The following PCDHGB5 variants were observed in gnomAD, a reference collection of about 807,000 sequenced individuals.
PCDHGB5 encodes the protein protocadherin gamma-B5.
In PCDHGB5, 48 loss-of-function variants were observed where a neutral mutation model predicts 62.9. The observed-to-expected ratio is 0.76, with a 90% CI of 0.61 to 0.97. The LOEUF (loss-of-function observed/expected upper bound fraction) is 0.97. Ranked by LOEUF, PCDHGB5 falls within the 50% of genes least tolerant of loss-of-function variation. The pLI, the probability that PCDHGB5 is intolerant of heterozygous loss-of-function variation, is 0.00. For synonymous variants in PCDHGB5, 474 were observed against 511.2 expected, an observed-to-expected ratio of 0.93 and a Z score of 0.98; for missense variants, 1,118 against 1,198.6, an observed-to-expected ratio of 0.93 and a Z score of 0.99.
chr5:141,448,421 A>G (rs1380029405), intron 1 of PCDHGB5, among the ~76,000 whole-genome samples: 1 of 152,132 alleles, frequency 6.6e-6, no homozygotes, highest in Non-Finnish European at 1.5e-5. Flanking sequence ...ACAATATACT[A>G]TGTATATATT....
intron 1 of PCDHGB5, among the ~76,000 whole-genome samples, chr5:141,429,545 G>T (rs1200824675): frequency 6.6e-6 from 1 of 151,844 alleles, no homozygotes; most frequent in East Asian, 1.9e-4. Context: ...TAAGAACATG[G>T]TAATGATTTG....
intron 1 of PCDHGB5, chr5:141,427,723 G>T: frequency 8.9e-7 from 1 of 1,127,490 alleles, no homozygotes; most frequent in East Asian, 2.4e-5. Flanking sequence ...CTGGACCTAG[G>T]GCTGAATGGC....
rs181495329 is a variant in PCDHGB5, at chr5:141,489,120, G to A, written c.2398-5687G>A. ...AACTGCTGCAAGCAGGCAAACCTCC[G>A]AGCAGTTTTTAAGAGGCTGGAAGGA... is the stretch of plus-strand genomic sequence containing the variant. On this transcript the variant is annotated intron_variant, in intron 1 of 3. Coordinates refer to ENST00000617380, the MANE Select transcript of PCDHGB5 (RefSeq NM_018925.3). This position sits in a 1 kb window ranked among gnomAD's most constrained non-coding sequence, Gnocchi z 4.5. 1.8e-5 allele frequency: 8 copies of A among 445,672 alleles called. No homozygotes were observed. The East Asian group carries it at 1.9e-4, about 11-fold the overall frequency. The allele number at this position is 445,672 out of a possible 1,614,324, so 27.6% of individuals were successfully genotyped here.
chr5:141,409,748 G>A (rs2095311209), intron 1 of PCDHGB5: 1 of 1,613,018 alleles, frequency 6.2e-7, no homozygotes, highest in Non-Finnish European at 8.5e-7. Context: ...GGTGGTGTTC[G>A]CGCAGCGCGC....
Position 141,487,003 on chromosome 5 carries a change from C to T in PCDHGB5, c.2398-7804C>T. The stretch of plus-strand genomic sequence containing the variant: ...ACAATGCTTGGGTTTCCTATCAGCT[C>T]CTGGAGGCCCCAGATCCCAGCCTGT... On this transcript the variant is annotated intron_variant, in intron 1 of 3. Transcript: ENST00000617380. The surrounding 1 kb of genome is among the most constrained non-coding windows in gnomAD (Gnocchi z 5.0). 1 of 1,614,228 alleles carries T rather than the reference C, an allele frequency of 6.2e-7. No homozygotes were observed.
At chr5:141,449,380 G>C (rs1011160817) in intron 1 of PCDHGB5, among the ~76,000 whole-genome samples, 3 of 151,950 alleles carry the variant, frequency 2.0e-5, no homozygotes, top group African/African-American at 7.3e-5. Flanking sequence ...GCTGAGGCAG[G>C]TGGATTACTT....
In PCDHGB5 at chr5:141,415,239, T is replaced by G. The variant is rs781763142; in HGVS notation, c.2397+14715T>G. The G allele has an allele frequency of 8.1e-6, 13 of 1,614,068 alleles. No individual in the cohort carries two copies. The South Asian group carries it at 1.3e-4, about 16-fold the overall frequency. The stretch of plus-strand genomic sequence containing the variant: ...GCAGCTTCGAGTCTCCAGCTAACTC[T>G]GAAACCTCAGACCTCACTCTGTACC... On this transcript the variant is annotated intron_variant, in intron 1 of 3. Coordinates refer to ENST00000617380, the MANE Select transcript of PCDHGB5 (RefSeq NM_018925.3).
chr5:141,423,141 G>T (rs2096714253), intron 1 of PCDHGB5: 6 of 1,613,580 alleles, frequency 3.7e-6, no homozygotes, highest in East Asian at 2.2e-5. Context: ...ACAGAGACGC[G>T]CTCAAGCAGA....
chr5:141,427,213 G>A (rs566924176), intron 1 of PCDHGB5: 3 of 456,706 alleles, frequency 6.6e-6, no homozygotes, highest in East Asian at 6.9e-5. Context: ...TTCGAATTTC[G>A]TAGCAGTTAT....
chr5:141,425,742 A>T (rs1315830227), intron 1 of PCDHGB5, among the ~76,000 whole-genome samples: 1 of 152,246 alleles, frequency 6.6e-6, no homozygotes, highest in Non-Finnish European at 1.5e-5. Flanking sequence ...GTTTTCCCAC[A>T]AGGTTTTTGT....
At chr5:141,506,805 G>A (rs1314432893) in intron 3 of PCDHGB5, among the ~76,000 whole-genome samples, 1 of 152,172 alleles carries the variant, frequency 6.6e-6, no homozygotes, top group African/African-American at 2.4e-5. Flanking sequence ...GAGGATCAAG[G>A]CATTGCCCTA....
Position 141,491,383 on chromosome 5 carries a change from A to C in PCDHGB5, c.2398-3424A>C. The C allele has an allele frequency of 6.2e-7, 1 of 1,614,036 alleles. No individual in the cohort carries two copies. The highest frequency in any genetic ancestry group is 8.5e-7 in the Non-Finnish European group (1 of 1,179,962). ...AGTCACCTTCACCTTTCTGTCAGCG[A>C]AGTGCCTTCAGGGAAACGCAGACGG... On this transcript the variant is annotated intron_variant, in intron 1 of 3. Transcript: ENST00000617380. This position sits in a 1 kb window ranked among gnomAD's most constrained non-coding sequence, Gnocchi z 6.9.
At chr5:141,415,352 C>T in intron 1 of PCDHGB5, 1 of 1,614,228 alleles carries the variant, frequency 6.2e-7, no homozygotes, top group Non-Finnish European at 8.5e-7. Context: ...TGGCACAAGT[C>T]ACGCCTGCTG....
At chr5:141,448,215 C>T (rs927573458) in intron 1 of PCDHGB5, among the ~76,000 whole-genome samples, 5 of 152,046 alleles carry the variant, frequency 3.3e-5, no homozygotes, top group African/African-American at 9.7e-5. Flanking sequence ...TGTGTGTATG[C>T]GAATGTATGT....
chr5:141,457,233 T>G (rs1038193595), intron 1 of PCDHGB5, among the ~76,000 whole-genome samples: 9 of 152,208 alleles, frequency 5.9e-5, no homozygotes, highest in African/African-American at 2.2e-4. Flanking sequence ...AATTTCCATC[T>G]AAAATTTTAC....
At position 141,419,312 on chromosome 5, in the gene PCDHGB5, G is replaced by C. The variant is rs35892780; in HGVS notation, c.2397+18788G>C. On this transcript the variant is annotated intron_variant, in intron 1 of 3. Transcript: ENST00000617380. ...CTCTGACCCAGACTTCGGGCTCAAC[G>C]GCCGTGTCTCCTACTCTCTCATTGC... 1.0e-3 allele frequency: 1,689 copies of C among 1,613,962 alleles called. 4 individuals are homozygous for C. Among genetic ancestry groups the C allele is most frequent in the Middle Eastern group, 5.3e-3 (32 of 6,062 alleles).
chr5:141,485,106 T>A lies in PCDHGB5; in HGVS notation c.2398-9701T>A, dbSNP rs2099607051. 8.3e-7 allele frequency: 1 copy of A among 1,206,448 alleles called. No individual in the cohort carries two copies. Among genetic ancestry groups the A allele is most frequent in the Admixed American group, 1.8e-5 (1 of 55,050 alleles). 74.7% of individuals were successfully genotyped at this position (1,206,448 alleles called of 1,614,324 possible). On this transcript the variant is annotated intron_variant, in intron 1 of 3. Coordinates refer to ENST00000617380, the MANE Select transcript of PCDHGB5 (RefSeq NM_018925.3). The surrounding 1 kb of genome is among the most constrained non-coding windows in gnomAD (Gnocchi z 5.7). ...GGGAGATAGGTGTCTCCAGCTGCTG[T>A]GGCTGTTTGGGGCGGGTCGGCTTCA...
intron 1 of PCDHGB5, among the ~76,000 whole-genome samples, chr5:141,445,248 T>C (rs1264046214): frequency 6.6e-6 from 1 of 152,224 alleles, no homozygotes; most frequent in African/African-American, 2.4e-5. Flanking sequence ...CACTATATTG[T>C]GTGAGAATAT....
chr5:141,403,333 C>A (rs376895778), intron 1 of PCDHGB5: 1 of 1,613,984 alleles, frequency 6.2e-7, no homozygotes, highest in South Asian at 1.1e-5. Flanking sequence ...CTGATATTAA[C>A]GACAGCGCCC....
Sources: gnomAD v4.1 joint callset for allele counts (sites outside exome capture counted in the v4.1 genomes callset) on GRCh38, gnomAD v4.1.1 for gene constraint, Gnocchi (gnomAD v3.1) non-coding constraint, MANE v1.5 for transcripts, NCBI Gene and HGNC (gene_info 2026-07-23, HGNC 2026-07-21) for gene names.